The following FER variants were observed in gnomAD, a reference collection of about 807,000 sequenced individuals.
FER encodes FER tyrosine kinase.
A neutral mutation model predicts 111.0 loss-of-function variants in FER; 63 were observed. That is an observed-to-expected ratio of 0.57 (90% CI 0.46 to 0.70). The LOEUF (loss-of-function observed/expected upper bound fraction) is 0.70. FER is among the 30% of genes least tolerant of loss of function. The probability of loss-of-function intolerance (pLI) is 0.00; values close to 1 mark genes in which losing one functional copy is unlikely to be tolerated. For synonymous variants in FER, 327 were observed against 313.9 expected (o/e 1.04, Z -0.44); for missense variants, 914 against 954.0 (o/e 0.96, Z 0.55).
At chr5:108,938,509 C>G (rs541454361) in intron 10 of FER, among the ~76,000 whole-genome samples, 1 of 151,870 alleles carries the variant, frequency 6.6e-6, no homozygotes, top group Admixed American at 6.6e-5. Context: ...GGTGTGAACT[C>G]AGAGAGAGCA....
At chr5:108,849,717 G>A (rs187502364) in intron 5 of FER, among the ~76,000 whole-genome samples, 3 of 152,190 alleles carry the variant, frequency 2.0e-5, no homozygotes, top group Non-Finnish European at 1.5e-5. Flanking sequence ...TTGAATGCCT[G>A]ATAACTTTTG....
chr5:109,162,699 C>T (rs188420774), intron 17 of FER, among the ~76,000 whole-genome samples: 1 of 152,268 alleles, frequency 6.6e-6, no homozygotes, highest in Non-Finnish European at 1.5e-5. Flanking sequence ...AAGAAATCCA[C>T]AGTAACATGC....
At chr5:108,997,602 C>T (rs1204360493) in intron 13 of FER, among the ~76,000 whole-genome samples, 1 of 151,884 alleles carries the variant, frequency 6.6e-6, no homozygotes, top group African/African-American at 2.4e-5. Flanking sequence ...TGATGAGAGA[C>T]GGGGTCAGGG....
rs759401182 is a variant in FER, at chr5:108,883,549, A to G, written c.1046+31A>G. 2.0e-6 allele frequency: 3 copies of G among 1,525,698 alleles called. No individual in the cohort carries two copies. In the Admixed American group the frequency reaches 6.1e-5, roughly 31 times the overall value. 94.5% of individuals were successfully genotyped at this position (1,525,698 alleles called of 1,614,324 possible). A position where few individuals can be genotyped will look rare whatever the true frequency, so the allele number is the denominator to read the frequency against. ...TAAAAGAGAAACAATTTGAAGGAAG[A>G]ATGTTTAATTGTAATTTTACAAAAA... is the stretch of plus-strand genomic sequence containing the variant. On this transcript the variant is annotated intron_variant, in intron 9 of 19. Coordinates refer to ENST00000281092, the MANE Select transcript of FER (RefSeq NM_005246.4).
intron 8 of FER, among the ~76,000 whole-genome samples, chr5:108,873,152 A>G (rs1472404771): frequency 1.3e-5 from 2 of 151,680 alleles, no homozygotes; most frequent in Non-Finnish European, 2.9e-5. Context: ...ATTTTATTTC[A>G]TTTTAATTTT....
chr5:108,971,879 A>T (rs1046766813), intron 13 of FER, among the ~76,000 whole-genome samples: 2 of 152,314 alleles, frequency 1.3e-5, no homozygotes, highest in Middle Eastern at 3.4e-3. Flanking sequence ...TGAACAGTTT[A>T]ATATTTAGTC....
In FER at chr5:108,762,204, A is replaced by G. The variant is rs140100715; in HGVS notation, c.-205-5889A>G. ...TTTATGTTTGTTAGGCTAGTTTTGG[A>G]TGCCAGTGGCAGACACCTATTTAAC... On this transcript the variant is annotated intron_variant, in intron 1 of 19. Transcript: ENST00000281092. Among the ~76,000 whole-genome samples the G allele has an allele frequency of 5.3e-5, 8 of 152,192 alleles. No homozygotes were observed. In the East Asian group the frequency reaches 1.5e-3, roughly 29 times the overall value.
chr5:108,903,589 C>T (rs565387718), intron 10 of FER, among the ~76,000 whole-genome samples: 9 of 152,136 alleles, frequency 5.9e-5, no homozygotes, highest in Non-Finnish European at 8.8e-5. Context: ...TGAATATATA[C>T]CTCTTTTGCC....
At chr5:108,991,217 G>A (rs1026931451) in intron 13 of FER, among the ~76,000 whole-genome samples, 10 of 151,728 alleles carry the variant, frequency 6.6e-5, no homozygotes, top group Admixed American at 2.6e-4. Flanking sequence ...GTGTATATAC[G>A]CACATGTATA....
intron 16 of FER, among the ~76,000 whole-genome samples, chr5:109,047,955 C>T (rs1176727958): frequency 2.0e-5 from 3 of 151,942 alleles, no homozygotes; most frequent in Non-Finnish European, 4.4e-5. Flanking sequence ...AAGTTTTTTT[C>T]GTTGTCCAAC....
At chr5:108,750,301 C>T (rs1400165387) in intron 1 of FER, among the ~76,000 whole-genome samples, 1 of 151,582 alleles carries the variant, frequency 6.6e-6, no homozygotes, top group East Asian at 1.9e-4. Context: ...ATCTTTAGTG[C>T]AGTATTTGTA....
At chr5:109,142,624 A>G (rs1327335687) in intron 17 of FER, among the ~76,000 whole-genome samples, 1 of 152,176 alleles carries the variant, frequency 6.6e-6, no homozygotes, top group Non-Finnish European at 1.5e-5. Flanking sequence ...AAATATTTAT[A>G]GAGAGAGCAT....
chr5:108,785,093 A>G (rs746047305), intron 2 of FER: 73 of 441,898 alleles, frequency 1.7e-4, no homozygotes, highest in Non-Finnish European at 2.8e-4. Context: ...CAGCAACCCT[A>G]TCACTGTCTC....
At chr5:108,961,867 G>A (rs1239489663) in intron 13 of FER, among the ~76,000 whole-genome samples, 2 of 152,118 alleles carry the variant, frequency 1.3e-5, no homozygotes, top group African/African-American at 2.4e-5. Context: ...TAATTTGTGT[G>A]AAAAGTAAAT....
chr5:109,099,153 T>C (rs1415139713), intron 16 of FER, among the ~76,000 whole-genome samples: 1 of 151,590 alleles, frequency 6.6e-6, no homozygotes, highest in African/African-American at 2.4e-5. Flanking sequence ...AGAGAACGTA[T>C]ATTTTAATAT....
At chr5:109,161,537 G>C (rs1034808043) in intron 17 of FER, among the ~76,000 whole-genome samples, 1 of 151,880 alleles carries the variant, frequency 6.6e-6, no homozygotes, top group African/African-American at 2.4e-5. Context: ...TCCTGCATTA[G>C]TTTGCTAAGG....
At chr5:109,161,165 A>G (rs761166853) in intron 17 of FER, among the ~76,000 whole-genome samples, 2 of 152,282 alleles carry the variant, frequency 1.3e-5, no homozygotes, top group East Asian at 3.9e-4. Context: ...GTTGTTTATA[A>G]AAGGTTCTTT....
intron 17 of FER, among the ~76,000 whole-genome samples, chr5:109,124,884 A>C (rs1418770756): frequency 6.6e-6 from 1 of 151,970 alleles, no homozygotes; most frequent in East Asian, 1.9e-4. Context: ...GTCTCCACTA[A>C]AAATACAAAA....
intron 11 of FER, among the ~76,000 whole-genome samples, chr5:108,948,787 T>C (rs983151456): frequency 1.3e-5 from 2 of 152,090 alleles, no homozygotes; most frequent in Non-Finnish European, 2.9e-5. Flanking sequence ...TTACAGCCAC[T>C]CATGAATACT....
Sources: allele counts gnomAD v4.1 joint callset (sites outside exome capture counted in the v4.1 genomes callset), GRCh38; gene constraint gnomAD v4.1.1; transcripts MANE v1.5; gene names NCBI Gene and HGNC (gene_info 2026-07-23, HGNC 2026-07-21).